The following ASTN2 variants were observed in gnomAD, a reference collection of about 807,000 sequenced individuals.
The protein encoded by ASTN2 is astrotactin-2.
ASTN2 carries 54 observed loss-of-function variants against 139.8 expected under a neutral mutation model. The observed-to-expected ratio is 0.39, with a 90% CI of 0.31 to 0.48. The LOEUF is 0.48. Among genes scored for constraint, ASTN2 ranks in the 20% least tolerant of loss-of-function variants. The pLI, the probability that ASTN2 is intolerant of heterozygous loss-of-function variation, is 0.95. For missense variants in ASTN2, 1,565 were observed against 1,725.1 expected, an observed-to-expected ratio of 0.91 and a Z score of 1.64; for synonymous variants, 756 against 719.5, an observed-to-expected ratio of 1.05 and a Z score of -0.81.
intron 5 of ASTN2, among the ~76,000 whole-genome samples, chr9:117,044,034 C>T (rs1299478395): frequency 1.2e-3 from 181 of 152,034 alleles, no homozygotes; most frequent in Non-Finnish European, 1.8e-4. Context: ...ACTTAGCCAT[C>T]AGGGGTGTTG....
chr9:116,573,239 T>G (rs1388139999), intron 19 of ASTN2, among the ~76,000 whole-genome samples: 2 of 152,232 alleles, frequency 1.3e-5, no homozygotes, highest in Non-Finnish European at 2.9e-5. Context: ...CAATGGCTAT[T>G]CTTTAACTCA....
At chr9:116,761,822 T>C in intron 13 of ASTN2, among the ~76,000 whole-genome samples, 1 of 152,138 alleles carries the variant, frequency 6.6e-6, no homozygotes, top group East Asian at 1.9e-4. Context: ...GACCTGCATG[T>C]TAGACGATCA....
intron 10 of ASTN2, among the ~76,000 whole-genome samples, chr9:116,934,074 C>A (rs1834997077): frequency 6.8e-6 from 1 of 147,540 alleles, no homozygotes; most frequent in Non-Finnish European, 1.5e-5. Context: ...GGGGCTCAGG[C>A]AGCAGCTATT....
chr9:116,757,721 C>G (rs1005643539), intron 13 of ASTN2, among the ~76,000 whole-genome samples: 3 of 152,098 alleles, frequency 2.0e-5, no homozygotes, highest in African/African-American at 7.2e-5. Flanking sequence ...CTTCCCAGAA[C>G]ATATGACTGT....
At chr9:116,610,262 A>G (rs148889391) in intron 19 of ASTN2, among the ~76,000 whole-genome samples, 33 of 152,310 alleles carry the variant, frequency 2.2e-4, no homozygotes, top group African/African-American at 7.7e-4. Context: ...ATCCAACTAT[A>G]TACTATCTTC....
chr9:117,399,211 A>G (rs763121134), intron 1 of ASTN2, among the ~76,000 whole-genome samples: 35 of 152,222 alleles, frequency 2.3e-4, no homozygotes, highest in Non-Finnish European at 4.3e-4. Context: ...CCGACATGCA[A>G]TCAACAATAT....
chr9:116,726,312 T>G (rs895899336), intron 15 of ASTN2, among the ~76,000 whole-genome samples: 1 of 152,180 alleles, frequency 6.6e-6, no homozygotes, highest in Non-Finnish European at 1.5e-5. Flanking sequence ...TTCACCCTCT[T>G]TATGTAACTT....
chr9:116,595,682 T>C (rs796900832), intron 19 of ASTN2, among the ~76,000 whole-genome samples: 5 of 152,146 alleles, frequency 3.3e-5, no homozygotes, highest in African/African-American at 1.2e-4. Flanking sequence ...CTGCTTGTGG[T>C]GTGACTGTCT....
intron 10 of ASTN2, among the ~76,000 whole-genome samples, chr9:116,956,172 C>T (rs12237255): frequency 0.021 from 3,154 of 149,150 alleles, 62 homozygotes; most frequent in Non-Finnish European, 0.035. Context: ...GTTGGCTCAC[C>T]GCAACCTCTG....
chr9:116,667,619 T>C (rs1015297095), intron 16 of ASTN2, among the ~76,000 whole-genome samples: 5 of 152,146 alleles, frequency 3.3e-5, no homozygotes, highest in Non-Finnish European at 5.9e-5. Flanking sequence ...GGCTGCCAGA[T>C]TACACAAAAT....
chr9:116,536,428 T>A (rs1851631159), intron 19 of ASTN2, among the ~76,000 whole-genome samples: 1 of 152,118 alleles, frequency 6.6e-6, no homozygotes. Flanking sequence ...GGTGGAGAGG[T>A]GCTCTGATTT....
At position 117,414,977 on chromosome 9, in the gene ASTN2, T is replaced by TGGCGGC. The variant is rs1554728198; in HGVS notation, c.-45_-40dup. 1 of 204,506 alleles carries TGGCGGC rather than the reference T, an allele frequency of 4.9e-6. No homozygotes were observed. The highest frequency in any genetic ancestry group is 9.0e-6 in the Non-Finnish European group (1 of 111,002). The allele number at this position is 204,506 out of a possible 1,614,324, so 12.7% of individuals were successfully genotyped here. A position where few individuals can be genotyped will look rare whatever the true frequency, so the allele number is the denominator to read the frequency against. On this transcript the variant is annotated 5_prime_UTR_variant, in exon 1 of 23. Transcript: ENST00000313400. This position sits in a 1 kb window ranked among gnomAD's most constrained non-coding sequence, Gnocchi z 4.2. ...GCGGTGCTGCGGGCGGCGGCGGCGGTGGCGGCGGTGGCGAAGGAGGAAGAG... is the reference window on the plus strand; with the variant it reads ...GCGGTGCTGCGGGCGGCGGCGGCGGTGGCGGCGGCGGCGGTGGCGAAGGAGGAAGAG...
At chr9:117,295,949 G>A (rs963504196) in intron 1 of ASTN2, among the ~76,000 whole-genome samples, 2 of 152,000 alleles carry the variant, frequency 1.3e-5, no homozygotes, top group African/African-American at 4.8e-5. Flanking sequence ...ATGAAGCTGC[G>A]TGTGTATGTC....
chr9:117,353,177 A>AG (rs1288922258), intron 1 of ASTN2, among the ~76,000 whole-genome samples: 2 of 152,204 alleles, frequency 1.3e-5, no homozygotes, highest in African/African-American at 4.8e-5. Flanking sequence ...TGTATGTTAC[A>AG]TATATTTTAC....
rs544016209 is a variant in ASTN2, at chr9:117,234,636, C to T, written c.631-19894G>A. 5.3e-5 allele frequency among the ~76,000 whole-genome samples: 8 copies of T among 152,254 alleles called. 1 individual carries two copies. The South Asian group carries it at 8.3e-4, about 16-fold the overall frequency. On this transcript the variant is annotated intron_variant, in intron 2 of 22. Coordinates refer to ENST00000313400, the MANE Select transcript of ASTN2 (RefSeq NM_001365068.1). Reference sequence around the variant, plus strand: ...TTTCTGAATAAAGCCATAAAAGAGGCGCTGCTCCAGTCTAAATGGAGGTTG... The same window carrying T: ...TTTCTGAATAAAGCCATAAAAGAGGTGCTGCTCCAGTCTAAATGGAGGTTG...
At chr9:116,599,272 C>A (rs1419604990) in intron 19 of ASTN2, among the ~76,000 whole-genome samples, 1 of 152,178 alleles carries the variant, frequency 6.6e-6, no homozygotes, top group African/African-American at 2.4e-5. Flanking sequence ...ACATAAAAAG[C>A]ATCCAGATTT....
chr9:117,359,566 C>T (rs904841182), intron 1 of ASTN2, among the ~76,000 whole-genome samples: 1 of 152,130 alleles, frequency 6.6e-6, no homozygotes, highest in African/African-American at 2.4e-5. Flanking sequence ...AAATAAGATG[C>T]AAAGAATTGT....
intron 16 of ASTN2, among the ~76,000 whole-genome samples, chr9:116,689,114 C>T (rs998290301): frequency 3.3e-5 from 5 of 152,270 alleles, no homozygotes; most frequent in Admixed American, 6.5e-5. Flanking sequence ...CCTTCCCCCC[C>T]GCAGTAAGGA....
intron 19 of ASTN2, among the ~76,000 whole-genome samples, chr9:116,545,494 G>A (rs10983229): frequency 0.2 from 31,003 of 152,054 alleles, 3,310 homozygotes; most frequent in Non-Finnish European, 0.23. Flanking sequence ...GGAAACCGAC[G>A]AGATTGGGGC....
Sources: gnomAD v4.1 joint callset for allele counts (sites outside exome capture counted in the v4.1 genomes callset) on GRCh38, gnomAD v4.1.1 for gene constraint, Gnocchi (gnomAD v3.1) non-coding constraint, MANE v1.5 for transcripts, NCBI Gene and HGNC (gene_info 2026-07-23, HGNC 2026-07-21) for gene names.